The following AFAP1L2 variants were observed in gnomAD, a reference collection of about 807,000 sequenced individuals.
The protein encoded by AFAP1L2 is actin filament associated protein 1 like 2.
AFAP1L2 carries 46 observed loss-of-function variants against 99.3 expected under a neutral mutation model. The observed-to-expected ratio is 0.46, with a 90% CI of 0.37 to 0.59. AFAP1L2 has a LOEUF of 0.59. AFAP1L2 is among the 20% of genes least tolerant of loss of function. The pLI, the probability that AFAP1L2 is intolerant of heterozygous loss-of-function variation, is 0.00. For missense variants in AFAP1L2, 959 were observed against 1,034.9 expected (o/e 0.93, Z 1.01); for synonymous variants, 397 against 419.1 (o/e 0.95, Z 0.64).
In AFAP1L2 at chr10:114,340,759, T is replaced by C. The variant is rs377212071; in HGVS notation, c.17-28A>G. ...AGGGACAGGAAACAGAAGAAACTTA[T>C]AGTGGCTGCCCGCTCTCCAAAGCCC... On this transcript the variant is annotated intron_variant, in intron 1 of 18. Transcript: ENST00000304129. 1.6e-4 allele frequency: 258 copies of C among 1,614,036 alleles called. 1 individual carries two copies. The highest frequency in any genetic ancestry group is 1.9e-4 in the Non-Finnish European group (225 of 1,179,944).
chr10:114,344,994 G>T (rs1370026016), intron 1 of AFAP1L2, among the ~76,000 whole-genome samples: 1 of 151,946 alleles, frequency 6.6e-6, no homozygotes, highest in African/African-American at 2.4e-5. Context: ...CTACCCGGGG[G>T]GCTGAGGCAG....
the AFAP1L2 span, among the ~76,000 whole-genome samples, chr10:114,282,242 G>T: frequency 1.3e-5 from 2 of 152,010 alleles, no homozygotes; most frequent in East Asian, 3.9e-4. Flanking sequence ...GACCTCAAGT[G>T]ATTTGCCTAC....
intron 1 of AFAP1L2, among the ~76,000 whole-genome samples, chr10:114,393,794 C>A (rs560212346): frequency 1.3e-5 from 2 of 152,360 alleles, no homozygotes; most frequent in East Asian, 3.9e-4. Context: ...ATTACATACA[C>A]CAAAGCAGCC....
At chr10:114,299,558 C>T in intron 15 of AFAP1L2, 143 bp from the exon 16 acceptor site, 1 of 911,366 alleles carries the variant, frequency 1.1e-6, no homozygotes, top group Non-Finnish European at 1.6e-6. Context: ...ACAGGTCCCT[C>T]TACCTCTCTG....
At chr10:114,321,390 A>G (rs1666079216) in intron 5 of AFAP1L2, among the ~76,000 whole-genome samples, 2 of 152,356 alleles carry the variant, frequency 1.3e-5, no homozygotes, top group East Asian at 1.9e-4. Context: ...TTCACTTAGA[A>G]TAATGGCCTC....
At chr10:114,337,393 A>C (rs1393915973) in intron 2 of AFAP1L2, among the ~76,000 whole-genome samples, 1 of 152,218 alleles carries the variant, frequency 6.6e-6, no homozygotes, top group Non-Finnish European at 1.5e-5. Flanking sequence ...TATTGTACCT[A>C]CTCTGCAGTC....
rs149732378 is a variant in AFAP1L2 at position 114,344,057 on chromosome 10, A to G, written c.17-3326T>C. 3.1e-3 allele frequency among the ~76,000 whole-genome samples: 469 copies of G among 152,350 alleles called. 1 individual carries two copies. The highest frequency in any genetic ancestry group is 3.0e-3 in the Non-Finnish European group (202 of 68,030). On this transcript the variant is annotated intron_variant, in intron 1 of 18. Transcript: ENST00000304129. ...TGAGGAGGGACCATAATCTAGCCTTATAAATGAGAGCCCTGATGGTCTGCA... is the reference window on the plus strand; with the variant it reads ...TGAGGAGGGACCATAATCTAGCCTTGTAAATGAGAGCCCTGATGGTCTGCA...
intron 12 of AFAP1L2, chr10:114,301,975 C>A: frequency 3.7e-6 from 1 of 269,716 alleles, no homozygotes; most frequent in Non-Finnish European, 7.2e-6. Flanking sequence ...ACAGAAGCAC[C>A]ACCCCCTGAC....
intron 7 of AFAP1L2, among the ~76,000 whole-genome samples, chr10:114,312,439 T>G (rs1177824611): frequency 6.6e-6 from 1 of 152,122 alleles, no homozygotes; most frequent in Middle Eastern, 3.2e-3. Context: ...GGCAGGAGAC[T>G]GGGGTAAGAA....
chr10:114,281,545 C>T, the AFAP1L2 span, among the ~76,000 whole-genome samples: 5 of 152,240 alleles, frequency 3.3e-5, no homozygotes, highest in African/African-American at 9.6e-5. Context: ...AGGTGGAAGC[C>T]ACCCAAGGAA....
At chr10:114,394,139 C>G (rs560440186) in intron 1 of AFAP1L2, among the ~76,000 whole-genome samples, 2 of 152,082 alleles carry the variant, frequency 1.3e-5, no homozygotes, top group Non-Finnish European at 2.9e-5. Flanking sequence ...TGCACTGTGC[C>G]GGGGGGACGA....
chr10:114,383,940 C>T (rs964878958), intron 1 of AFAP1L2, among the ~76,000 whole-genome samples: 1 of 152,184 alleles, frequency 6.6e-6, no homozygotes, highest in Non-Finnish European at 1.5e-5. Context: ...CTTCCCCTCC[C>T]ACCTCCAACC....
rs1402046770 is a variant in AFAP1L2, at chr10:114,373,445, C to T, written c.16+30995G>A. The stretch of plus-strand genomic sequence containing the variant: ...GTTCAAGACCAGCCTGGCAAAAAGG[C>T]GAAACCCTGTCTCTACTAAAAATAC... On this transcript the variant is annotated intron_variant, in intron 1 of 18. Coordinates refer to ENST00000304129, the MANE Select transcript of AFAP1L2 (RefSeq NM_001001936.3). 7.2e-5 allele frequency among the ~76,000 whole-genome samples: 11 copies of T among 151,882 alleles called. No homozygotes were observed. In the East Asian group the frequency reaches 1.4e-3, roughly 19 times the overall value.
At chr10:114,320,330 C>G (rs1283392063) in intron 5 of AFAP1L2, among the ~76,000 whole-genome samples, 1 of 152,218 alleles carries the variant, frequency 6.6e-6, no homozygotes, top group Non-Finnish European at 1.5e-5. Context: ...ATCCAAGCAA[C>G]TGGCCTTTTG....
intron 1 of AFAP1L2, among the ~76,000 whole-genome samples, chr10:114,362,694 T>C (rs7907030): frequency 0.73 from 111,452 of 151,942 alleles, 42,556 homozygotes; most frequent in Middle Eastern, 0.86. Context: ...CCCGGAAAAT[T>C]AATACACCCC....
intron 1 of AFAP1L2, among the ~76,000 whole-genome samples, chr10:114,347,754 T>C (rs1298125743): frequency 6.6e-6 from 1 of 152,204 alleles, no homozygotes. Context: ...CAGGGGATCC[T>C]CCTGCCTTGG....
intron 2 of AFAP1L2, among the ~76,000 whole-genome samples, chr10:114,333,720 A>G (rs112208263): frequency 0.01 from 1,524 of 152,294 alleles, 30 homozygotes; most frequent in African/African-American, 0.033. Context: ...CTGAAGCAGG[A>G]GAATCACTTG....
intron 4 of AFAP1L2, among the ~76,000 whole-genome samples, chr10:114,327,174 T>TATGTATATATATATATATA (rs1491529827): frequency 1.6e-5 from 1 of 60,738 alleles, no homozygotes; most frequent in Non-Finnish European, 3.8e-5. Flanking sequence ...TATATATATA[T>TATGTATATATATATATATA]TTTTTTTTTA....
intron 1 of AFAP1L2, among the ~76,000 whole-genome samples, chr10:114,343,058 T>C (rs1426639908): frequency 6.6e-6 from 1 of 152,228 alleles, no homozygotes; most frequent in East Asian, 1.9e-4. Context: ...AATAAATTAG[T>C]GGCCTGGATT....
Sources: gnomAD v4.1 joint callset for allele counts (sites outside exome capture counted in the v4.1 genomes callset) on GRCh38, gnomAD v4.1.1 for gene constraint, MANE v1.5 for transcripts, NCBI Gene and HGNC (gene_info 2026-07-23, HGNC 2026-07-21) for gene names.